RYR2: variants seen among roughly 807,000 people sequenced by gnomAD.
RYR2 encodes the protein ryanodine receptor 2.
RYR2 carries 227 observed loss-of-function variants against 601.1 expected under a neutral mutation model. The observed-to-expected ratio is 0.38, with a 90% CI of 0.34 to 0.42. The LOEUF (loss-of-function observed/expected upper bound fraction) is 0.42. RYR2 is among the 10% of genes least tolerant of loss of function. The probability of loss-of-function intolerance (pLI) is 1.00; values close to 1 mark genes in which losing one functional copy is unlikely to be tolerated. For synonymous variants in RYR2, 2,223 were observed against 2,175.1 expected, an observed-to-expected ratio of 1.02 and a Z score of -0.61; for missense variants, 4,646 against 6,156.5, an observed-to-expected ratio of 0.75 and a Z score of 8.21.
chr1:237,623,448 T>C (rs1186096271), intron 38 of RYR2, among the ~76,000 whole-genome samples: 3 of 146,518 alleles, frequency 2.0e-5, no homozygotes, highest in East Asian at 4.0e-4. Context: ...GGCTGGAGTG[T>C]AGTGGCACAA....
At chr1:237,796,130 G>A (rs948134301) in intron 96 of RYR2, among the ~76,000 whole-genome samples, 19 of 151,966 alleles carry the variant, frequency 1.3e-4, no homozygotes, top group East Asian at 3.9e-4. Flanking sequence ...ATCTTGAGTC[G>A]CACTGCGCTA....
intron 44 of RYR2, among the ~76,000 whole-genome samples, chr1:237,637,814 C>A (rs766624568): frequency 6.6e-6 from 1 of 152,114 alleles, no homozygotes; most frequent in Non-Finnish European, 1.5e-5. Context: ...CAGAAACATT[C>A]TTCTTTCGTA....
chr1:237,108,421 G>A (rs749735786), intron 1 of RYR2, among the ~76,000 whole-genome samples: 5 of 152,318 alleles, frequency 3.3e-5, no homozygotes, highest in African/African-American at 7.2e-5. Context: ...AGCCCAGTAG[G>A]CCTGCTAATT....
At chr1:237,538,778 A>G (rs1668942553) in intron 25 of RYR2, among the ~76,000 whole-genome samples, 1 of 74,312 alleles carries the variant, frequency 1.3e-5, no homozygotes. Context: ...CACAATAAAA[A>G]AAATTAAAAA....
intron 2 of RYR2, among the ~76,000 whole-genome samples, chr1:237,286,939 G>T (rs1206624533): frequency 6.6e-6 from 1 of 152,136 alleles, no homozygotes; most frequent in South Asian, 2.1e-4. Context: ...GCTTTAAAGA[G>T]GTTCTGTTTT....
At chr1:237,673,042 C>G (rs936154481) in intron 58 of RYR2, among the ~76,000 whole-genome samples, 3 of 152,186 alleles carry the variant, frequency 2.0e-5, no homozygotes, top group Non-Finnish European at 4.4e-5. Flanking sequence ...GCTAATTCAA[C>G]ATTTGTGATT....
chr1:237,479,725 A>G (rs1661819098), intron 17 of RYR2, among the ~76,000 whole-genome samples: 1 of 152,204 alleles, frequency 6.6e-6, no homozygotes, highest in African/African-American at 2.4e-5. Flanking sequence ...ACTTTTGAAC[A>G]TTATAATGAC....
intron 10 of RYR2, among the ~76,000 whole-genome samples, chr1:237,414,162 G>T (rs940844640): frequency 6.6e-6 from 1 of 152,186 alleles, no homozygotes; most frequent in Non-Finnish European, 1.5e-5. Flanking sequence ...GTGTCTTTGT[G>T]TGAGTGTGTC....
intron 3 of RYR2, among the ~76,000 whole-genome samples, chr1:237,353,631 C>A (rs1699052742): frequency 6.6e-6 from 1 of 151,680 alleles, no homozygotes; most frequent in African/African-American, 2.4e-5. Flanking sequence ...GTCCTCTCTG[C>A]TAAATCAAGT....
At position 237,614,224 on chromosome 1, in the gene RYR2, G is replaced by A. The variant is rs779464111; in HGVS notation, c.5096G>A (p.Arg1699His). 58 of 1,613,890 alleles carry A rather than the reference G, an allele frequency of 3.6e-5. No individual in the cohort carries two copies. Among genetic ancestry groups the A allele is most frequent in the Non-Finnish European group, 4.3e-5 (51 of 1,179,910 alleles). Residue 1699 changes from arginine to histidine, a missense_variant, in exon 37 of 105, where the codon CGT becomes CAT. Around this residue, in one of 17 missense-constraint regions of RYR2, gnomAD observed 1,807 missense variants for 2,088.1 expected, o/e 0.87. Transcript: ENST00000366574. The surrounding 1 kb of genome is among the most constrained non-coding windows in gnomAD (Gnocchi z 4.3). ...AACAAGTACATGCCTGGTTTGCTGCGTGCTGGCTACTATGACCTGCTGATT... is the reference window on the plus strand; with the variant it reads ...AACAAGTACATGCCTGGTTTGCTGCATGCTGGCTACTATGACCTGCTGATT... ...IENKYMPGLL[R>H]AGYYDLLIDI...
Position 237,781,624 on chromosome 1 carries a change from C to A in RYR2, c.11940C>A (p.Val3980=). Residue 3980 remains valine (V), a synonymous_variant, in exon 89 of 105, where the codon GTC becomes GTA. Coordinates refer to ENST00000366574, the MANE Select transcript of RYR2 (RefSeq NM_001035.3). ...TGGATCTGCAGAAGGATATGGTGGT[C>A]ATGTTGCTGTCCATGTTAGAAGGTA... ...ELMDLQKDMV[V]MLLSMLEGNV... The A allele has an allele frequency of 1.3e-6, 2 of 1,586,674 alleles. No homozygotes were observed. Among genetic ancestry groups the A allele is most frequent in the South Asian group, 2.3e-5 (2 of 87,626 alleles).
chr1:237,329,109 C>T (rs1178156513), intron 2 of RYR2, among the ~76,000 whole-genome samples: 1 of 152,104 alleles, frequency 6.6e-6, no homozygotes, highest in African/African-American at 2.4e-5. Flanking sequence ...AAAACATTTC[C>T]ATAAACTGAA....
intron 29 of RYR2, among the ~76,000 whole-genome samples, chr1:237,574,383 T>C (rs1673016127): frequency 1.3e-5 from 2 of 152,162 alleles, no homozygotes; most frequent in Admixed American, 1.3e-4. Flanking sequence ...AATCCCAAGA[T>C]TGCTTCTAGG....
chr1:237,414,446 C>G (rs962280301), intron 10 of RYR2, among the ~76,000 whole-genome samples: 2 of 152,238 alleles, frequency 1.3e-5, no homozygotes, highest in African/African-American at 2.4e-5. Context: ...CTTAGAAACT[C>G]TGGGGATGGG....
intron 41 of RYR2, among the ~76,000 whole-genome samples, chr1:237,628,805 A>G (rs1032772562): frequency 6.6e-6 from 1 of 152,162 alleles, no homozygotes; most frequent in African/African-American, 2.4e-5. Context: ...AAATAAAAAA[A>G]CACATTGAAA....
chr1:237,468,222 C>G (rs1204661292), intron 16 of RYR2, among the ~76,000 whole-genome samples: 5 of 152,118 alleles, frequency 3.3e-5, no homozygotes, highest in Admixed American at 3.3e-4. Flanking sequence ...ATCATATTGT[C>G]TAAACATCTT....
intron 10 of RYR2, among the ~76,000 whole-genome samples, chr1:237,412,024 G>A (rs577005432): frequency 1.3e-5 from 2 of 152,136 alleles, no homozygotes; most frequent in East Asian, 3.9e-4. Context: ...CAACTGTCAA[G>A]CTATGAAGAA....
intron 1 of RYR2, among the ~76,000 whole-genome samples, chr1:237,201,741 C>T (rs78538843): frequency 0.012 from 1,811 of 152,250 alleles, 14 homozygotes; most frequent in South Asian, 0.024. Flanking sequence ...GGCCTCACTC[C>T]TCCTGTGGCT....
chr1:237,091,458 C>T (rs951536850), intron 1 of RYR2, among the ~76,000 whole-genome samples: 35 of 151,998 alleles, frequency 2.3e-4, no homozygotes, highest in Non-Finnish European at 4.7e-4. Flanking sequence ...AGGGTCTTGC[C>T]CCATTGCCCA....
Sources: allele counts gnomAD v4.1 joint callset (sites outside exome capture counted in the v4.1 genomes callset), GRCh38; gene constraint gnomAD v4.1.1; regional missense constraint gnomAD v4.1.1; non-coding constraint Gnocchi (gnomAD v3.1); transcripts MANE v1.5; gene names NCBI Gene and HGNC (gene_info 2026-07-23, HGNC 2026-07-21).